The following HIP1 variants were observed in gnomAD, a reference collection of about 807,000 sequenced individuals.
HIP1 encodes huntingtin interacting protein 1.
A neutral mutation model predicts 147.6 loss-of-function variants in HIP1; 65 were observed. That is an observed-to-expected ratio of 0.44 (90% CI 0.36 to 0.54). The LOEUF (loss-of-function observed/expected upper bound fraction) is 0.54, where lower values mean the gene tolerates loss of function less well. HIP1 is among the 20% of genes least tolerant of loss of function. The probability of loss-of-function intolerance (pLI) is 0.00; values close to 1 mark genes in which losing one functional copy is unlikely to be tolerated. For missense variants in HIP1, 1,061 were observed against 1,299.6 expected, an observed-to-expected ratio of 0.82 and a Z score of 2.82; for synonymous variants, 479 against 504.0, an observed-to-expected ratio of 0.95 and a Z score of 0.67.
intron 5 of HIP1, 105 bp downstream of exon 5, chr7:75,586,648 G>A (rs1010039033): frequency 1.3e-6 from 1 of 744,976 alleles, no homozygotes; most frequent in Non-Finnish European, 2.4e-6. Context: ...TCAGAAGCCT[G>A]GGCTGTCTAT....
rs1228207810 is a variant in HIP1 at position 75,634,936 on chromosome 7, T to G, written c.121-35689A>C. On this transcript the variant is annotated intron_variant, in intron 1 of 30. Transcript: ENST00000336926. ...GGCTAGGTGACAGAGTGAGACACTA[T>G]CTCTGAAAAAAAAAAAAAAAAAAAA... Among the ~76,000 whole-genome samples, 17 of 94,668 alleles carry G rather than the reference T, an allele frequency of 1.8e-4. 1 individual carries two copies. The highest frequency in any genetic ancestry group is 7.5e-4 in the South Asian group (2 of 2,656). The allele number at this position is 94,668 out of a possible 152,430, so 62.1% of individuals were successfully genotyped here.
chr7:75,535,861 G>A lies in HIP1; in HGVS notation c.*2311C>T, dbSNP rs1455258948. ...TGAGTAGCTGGGATTACGGGCACCC[G>A]TCACTACGCTCGGCTAATTTTTGGT... is the stretch of plus-strand genomic sequence containing the variant. On this transcript the variant is annotated 3_prime_UTR_variant, in exon 31 of 31. Transcript: ENST00000336926. 5 of 171,544 alleles carry A rather than the reference G, an allele frequency of 2.9e-5. No homozygotes were observed. The highest frequency in any genetic ancestry group is 7.1e-5 in the African/African-American group (3 of 41,986). The allele number at this position is 171,544 out of a possible 1,614,324, so 10.6% of individuals were successfully genotyped here.
chr7:75,554,451 G>C lies in HIP1; in HGVS notation c.2039C>G (p.Ala680Gly). Reference protein sequence around the residue: ...QLEKSWSQYLACPEDISGLLH... With the variant: ...QLEKSWSQYLGCPEDISGLLH... Reference sequence around the variant, plus strand: ...TTGGCCATTCTTACCTTCTGGGCAGGCCAGATACTGGCTCCAGCTTTTCTC... The same window carrying C: ...TTGGCCATTCTTACCTTCTGGGCAGCCCAGATACTGGCTCCAGCTTTTCTC... The change falls in exon 20 of 31, where the codon GCC becomes GGC. Residue 680 changes from alanine to glycine, a missense_variant. Physicochemically the swap from Ala to Gly is moderately conservative, Grantham distance 60. Around this residue, in one of 3 missense-constraint regions of HIP1, gnomAD observed 810 missense variants for 946.8 expected, o/e 0.86. Transcript: ENST00000336926. The C allele has an allele frequency of 1.2e-6, 2 of 1,613,280 alleles. No homozygotes were observed. Among genetic ancestry groups the C allele is most frequent in the Non-Finnish European group, 1.7e-6 (2 of 1,179,342 alleles).
intron 4 of HIP1, among the ~76,000 whole-genome samples, chr7:75,591,135 C>T (rs782475951): frequency 1.1e-4 from 16 of 151,662 alleles, no homozygotes; most frequent in Non-Finnish European, 1.8e-4. Context: ...TAGGTTCAAG[C>T]GATTCTCCTG....
rs587722511 is a variant in HIP1 at position 75,620,707 on chromosome 7, T to C, written c.121-21460A>G. On this transcript the variant is annotated intron_variant, in intron 1 of 30. Coordinates refer to ENST00000336926, the MANE Select transcript of HIP1 (RefSeq NM_005338.7). ...TCTCAAAAACAAACAAACAAACAAA[T>C]AAATAAACAAAACCAAAATAAAACA... Among the ~76,000 whole-genome samples the C allele has an allele frequency of 2.0e-5, 3 of 151,100 alleles. No homozygotes were observed. The South Asian group carries it at 6.3e-4, about 32-fold the overall frequency.
In HIP1 at chr7:75,657,176, T is replaced by C. The variant is rs552670959; in HGVS notation, c.121-57929A>G. ...TGGAATTAACCCAGGTGCCCATCCA[T>C]GGTAGACTGGAGAAAGAAAATGCAG... On this transcript the variant is annotated intron_variant, in intron 1 of 30. Transcript: ENST00000336926. Among the ~76,000 whole-genome samples, 11 of 152,298 alleles carry C rather than the reference T, an allele frequency of 7.2e-5. 1 individual carries two copies. The highest frequency in any genetic ancestry group is 2.6e-4 in the African/African-American group (11 of 41,562).
chr7:75,565,513 C>T (rs1161909691), intron 9 of HIP1, among the ~76,000 whole-genome samples: 1 of 152,170 alleles, frequency 6.6e-6, no homozygotes, highest in East Asian at 1.9e-4. Flanking sequence ...GAGGTGGGTA[C>T]AACCACACAC....
intron 1 of HIP1, among the ~76,000 whole-genome samples, chr7:75,607,955 T>C (rs1250761505): frequency 6.6e-6 from 1 of 152,084 alleles, no homozygotes; most frequent in Non-Finnish European, 1.5e-5. Context: ...TTTCTATACT[T>C]AGGCCTAAAC....
chr7:75,720,993 G>C (rs535210304), intron 1 of HIP1, among the ~76,000 whole-genome samples: 1 of 149,812 alleles, frequency 6.7e-6, no homozygotes, highest in Non-Finnish European at 1.5e-5. Context: ...AGCCAAGATC[G>C]GGCCATTGCA....
chr7:75,613,424 A>G (rs1797517995), intron 1 of HIP1, among the ~76,000 whole-genome samples: 1 of 152,084 alleles, frequency 6.6e-6, no homozygotes, highest in Non-Finnish European at 1.5e-5. Flanking sequence ...CTTGATCAAA[A>G]ATAATAATAA....
intron 1 of HIP1, among the ~76,000 whole-genome samples, chr7:75,619,515 CAAAAAA>C (rs587631989): frequency 2.7e-5 from 3 of 109,718 alleles, no homozygotes; most frequent in African/African-American, 1.0e-4. Flanking sequence ...GACTTTGTCT[CAAAAAA>C]AAAAAAAAAA....
chr7:75,691,569 C>A (rs1275398658), intron 1 of HIP1, among the ~76,000 whole-genome samples: 2 of 151,958 alleles, frequency 1.3e-5, no homozygotes, highest in South Asian at 4.2e-4. Context: ...GAGGCTGAGG[C>A]GGGTGGATTA....
chr7:75,655,250 C>T (rs116995851), intron 1 of HIP1, among the ~76,000 whole-genome samples: 2 of 152,110 alleles, frequency 1.3e-5, no homozygotes, highest in African/African-American at 4.8e-5. Flanking sequence ...TAATGCACTG[C>T]GGCTGAATTT....
rs782463721 is a variant in HIP1, at chr7:75,562,083, T to C, written c.1108A>G (p.Lys370Glu). 1 of 1,607,216 alleles carries C rather than the reference T, an allele frequency of 6.2e-7. No homozygotes were observed. The highest frequency in any genetic ancestry group is 8.5e-7 in the Non-Finnish European group (1 of 1,173,690). The part of the protein sequence containing the change: ...FNFNSQNGVN[K>E]DEKDHLIERL... ...CCAGCTTGGACTCACTTCTCATCCT[T>C]GTTCACACCATTTTGACTGTTGAAA... Residue 370 changes from lysine to glutamate, a missense_variant, in exon 12 of 31, where the codon AAG (lysine) becomes GAG (glutamate). Coordinates refer to ENST00000336926, the MANE Select transcript of HIP1 (RefSeq NM_005338.7).
intron 1 of HIP1, among the ~76,000 whole-genome samples, chr7:75,656,353 G>A (rs543068059): frequency 3.3e-5 from 5 of 149,990 alleles, no homozygotes; most frequent in African/African-American, 9.8e-5. Context: ...ACCAAACAGT[G>A]AGAAGAAGTT....
intron 14 of HIP1, among the ~76,000 whole-genome samples, chr7:75,558,611 C>T (rs781903068): frequency 7.2e-5 from 11 of 152,188 alleles, no homozygotes; most frequent in African/African-American, 2.4e-4. Flanking sequence ...CCACTGTGCC[C>T]GGCCAAAGAT....
intron 1 of HIP1, among the ~76,000 whole-genome samples, chr7:75,606,699 C>T (rs779472632): frequency 7.2e-5 from 11 of 152,012 alleles, no homozygotes; most frequent in African/African-American, 1.4e-4. Context: ...TGAGGCCAGG[C>T]GGCTCTTGGG....
At chr7:75,611,776 G>A in intron 1 of HIP1, 2 of 1,038,212 alleles carry the variant, frequency 1.9e-6, no homozygotes, top group Non-Finnish European at 2.3e-6. Context: ...CTGAAAGGGT[G>A]GCATTGTCCA....
At chr7:75,550,048 G>T (rs1316367223) in intron 22 of HIP1, among the ~76,000 whole-genome samples, 10 of 152,156 alleles carry the variant, frequency 6.6e-5, no homozygotes, top group African/African-American at 1.9e-4. Flanking sequence ...TATGAGGCGG[G>T]TATTATTCCT....
Sources: gnomAD v4.1 joint callset for allele counts (sites outside exome capture counted in the v4.1 genomes callset) on GRCh38, gnomAD v4.1.1 for gene constraint, gnomAD v4.1.1 regional missense constraint, MANE v1.5 for transcripts, NCBI Gene and HGNC (gene_info 2026-07-23, HGNC 2026-07-21) for gene names.